RAP1GAP2: variants seen among roughly 807,000 people sequenced by gnomAD.
The protein encoded by RAP1GAP2 is RAP1 GTPase activating protein 2.
A neutral mutation model predicts 95.0 loss-of-function variants in RAP1GAP2; 27 were observed. The observed-to-expected ratio is 0.28, with a 90% CI of 0.21 to 0.39. RAP1GAP2 has a LOEUF of 0.39. RAP1GAP2 is among the 10% of genes least tolerant of loss of function. RAP1GAP2 has a pLI of 1.00. For missense variants in RAP1GAP2, 771 were observed against 970.0 expected (o/e 0.79, Z 2.72); for synonymous variants, 373 against 380.9 (o/e 0.98, Z 0.24).
At chr17:2,848,716 G>A (rs913706865) in intron 2 of RAP1GAP2, among the ~76,000 whole-genome samples, 6 of 152,122 alleles carry the variant, frequency 3.9e-5, no homozygotes, top group African/African-American at 1.4e-4. Context: ...GTTTCACCAT[G>A]TTGGCCAGGC....
chr17:2,961,789 C>G (rs2044340104), intron 4 of RAP1GAP2, among the ~76,000 whole-genome samples: 1 of 152,190 alleles, frequency 6.6e-6, no homozygotes, highest in Admixed American at 6.5e-5. Context: ...CCTGCCTGTC[C>G]CTTGAAGGCC....
intron 4 of RAP1GAP2, among the ~76,000 whole-genome samples, chr17:2,960,792 T>G (rs547717284): frequency 6.6e-6 from 1 of 152,352 alleles, no homozygotes; most frequent in African/African-American, 2.4e-5. Flanking sequence ...CTCCTTCTGC[T>G]TCAGAGGGGA....
chr17:2,844,028 A>T (rs1161607165), intron 2 of RAP1GAP2, among the ~76,000 whole-genome samples: 1 of 151,296 alleles, frequency 6.6e-6, no homozygotes, highest in Non-Finnish European at 1.5e-5. Context: ...ATTTTTATTT[A>T]TTTATTTTTT....
chr17:2,999,120 T>G (rs1463779848), intron 14 of RAP1GAP2, among the ~76,000 whole-genome samples: 1 of 152,076 alleles, frequency 6.6e-6, no homozygotes, highest in Non-Finnish European at 1.5e-5. Flanking sequence ...GTCAGATGGC[T>G]CGAAATCCTC....
At chr17:2,772,901 C>T (rs2068426488), upstream of RAP1GAP2, among the ~76,000 whole-genome samples, 1 of 136,616 alleles carries the variant, frequency 7.3e-6, no homozygotes, top group Admixed American at 7.9e-5. Context: ...TCTTGTTGCC[C>T]AGGCTGGAGT....
At chr17:2,940,737 GC>G (rs2151430548) in intron 3 of RAP1GAP2, among the ~76,000 whole-genome samples, 1 of 152,330 alleles carries the variant, frequency 6.6e-6, no homozygotes, top group South Asian at 2.1e-4. Context: ...AACATGGGGG[GC>G]CCACGCGGAC....
chr17:2,938,843 C>T (rs2043384852), intron 3 of RAP1GAP2, among the ~76,000 whole-genome samples: 1 of 151,798 alleles, frequency 6.6e-6, no homozygotes, highest in African/African-American at 2.4e-5. Context: ...GAAAATTAGC[C>T]GGGTATGGTG....
Position 3,008,246 on chromosome 17 carries a change from C to A in RAP1GAP2, c.1494+101C>A. ...GGATACTGATCCCAGAGCCCAAGGG[C>A]CAGCTGGAGGGGTGACAGGAAACGT... On this transcript the variant is annotated intron_variant, in intron 17 of 24. Transcript: ENST00000254695. The surrounding 1 kb of genome is among the most constrained non-coding windows in gnomAD (Gnocchi z 4.2). The A allele has an allele frequency of 6.6e-7, 1 of 1,521,250 alleles. No individual in the cohort carries two copies. Among genetic ancestry groups the A allele is most frequent in the South Asian group, 1.2e-5 (1 of 80,842 alleles). 94.2% of individuals were successfully genotyped at this position (1,521,250 alleles called of 1,614,324 possible).
At chr17:2,821,229 T>C (rs2070291801) in intron 2 of RAP1GAP2, among the ~76,000 whole-genome samples, 1 of 152,014 alleles carries the variant, frequency 6.6e-6, no homozygotes, top group Non-Finnish European at 1.5e-5. Context: ...TTTTTTCCCC[T>C]CTTTAAAAAT....
At chr17:2,951,430 TC>T (rs1294154171) in intron 3 of RAP1GAP2, among the ~76,000 whole-genome samples, 1 of 152,204 alleles carries the variant, frequency 6.6e-6, no homozygotes, top group Non-Finnish European at 1.5e-5. Flanking sequence ...CTTCAAGAGG[TC>T]GAACTTGTTG....
rs1368285473 is a variant in RAP1GAP2, at chr17:2,949,139, G to A, written c.166-8620G>A. ...GGCCCAGACGGAGTTCCTCAGCTGA[G>A]TGCTGGCTCTGCGTGGTTATCTATT... On this transcript the variant is annotated intron_variant, in intron 3 of 24. Transcript: ENST00000254695. Among the ~76,000 whole-genome samples the A allele has an allele frequency of 2.0e-5, 3 of 152,196 alleles. No homozygotes were observed. In the East Asian group the frequency reaches 5.8e-4, roughly 29 times the overall value.
rs1432530023 is a variant in RAP1GAP2, at chr17:3,008,665, AAACT to A, written c.1494+526_1494+529del. ...CCCTTTGGACTTTGCCAAGGGAAAA[AAACT>A]AACTAGAAGGAGCTGCTAAAGGAAG... On this transcript the variant is annotated intron_variant, in intron 17 of 24. Transcript: ENST00000254695. The surrounding 1 kb of genome is among the most constrained non-coding windows in gnomAD (Gnocchi z 4.2). Among the ~76,000 whole-genome samples, 3 of 152,176 alleles carry A rather than the reference AAACT, an allele frequency of 2.0e-5. No individual in the cohort carries two copies. The highest frequency in any genetic ancestry group is 7.2e-5 in the African/African-American group (3 of 41,438).
Position 3,027,104 on chromosome 17 carries a change from C to T in RAP1GAP2, c.2107+34C>T. The T allele has an allele frequency of 6.5e-7, 1 of 1,545,548 alleles. No individual in the cohort carries two copies. The highest frequency in any genetic ancestry group is 8.7e-7 in the Non-Finnish European group (1 of 1,142,954). On this transcript the variant is annotated intron_variant, in intron 22 of 24. Transcript: ENST00000254695. This position sits in a 1 kb window ranked among gnomAD's most constrained non-coding sequence, Gnocchi z 5.2. The stretch of plus-strand genomic sequence containing the variant: ...CATCTGGTGGTGTGTGTGACGTCAC[C>T]AGGAGGGCAGGCTGTGCCCTGTCCA...
At chr17:2,780,972 G>T (rs564080341) in intron 1 of RAP1GAP2, among the ~76,000 whole-genome samples, 167 of 152,222 alleles carry the variant, frequency 1.1e-3, no homozygotes, top group African/African-American at 3.7e-3. Context: ...TTTTCTATTT[G>T]TTGCAACCCT....
At chr17:2,962,753 G>T (rs764046110) in intron 5 of RAP1GAP2, 39 bp downstream of exon 5, 1 of 1,556,580 alleles carries the variant, frequency 6.4e-7, no homozygotes, top group East Asian at 2.3e-5. Flanking sequence ...GACGGCCCTG[G>T]TGAGGGGCTA....
intron 2 of RAP1GAP2, among the ~76,000 whole-genome samples, chr17:2,863,784 C>T (rs1244087685): frequency 1.3e-5 from 2 of 152,080 alleles, no homozygotes; most frequent in Non-Finnish European, 2.9e-5. Context: ...GGGCCGGGCA[C>T]GGTGGCTCAC....
chr17:2,760,554 T>C (rs1464420626), intron 1 of RAP1GAP2, among the ~76,000 whole-genome samples: 1 of 147,054 alleles, frequency 6.8e-6, no homozygotes, highest in Non-Finnish European at 1.5e-5. Flanking sequence ...TTGGCCAGGC[T>C]GGTCTTGAAC....
intron 17 of RAP1GAP2, among the ~76,000 whole-genome samples, chr17:3,013,195 T>C (rs2046622552): frequency 6.6e-6 from 1 of 152,218 alleles, no homozygotes; most frequent in African/African-American, 2.4e-5. Flanking sequence ...TGGCAGTCTT[T>C]GTGGCCCCGC....
intron 2 of RAP1GAP2, among the ~76,000 whole-genome samples, chr17:2,810,775 C>T (rs191937223): frequency 1.1e-3 from 171 of 152,130 alleles, no homozygotes; most frequent in African/African-American, 3.9e-3. Flanking sequence ...GTGATCCGCC[C>T]GCCTCAGCCT....
Sources: allele counts gnomAD v4.1 joint callset (sites outside exome capture counted in the v4.1 genomes callset), GRCh38; gene constraint gnomAD v4.1.1; non-coding constraint Gnocchi (gnomAD v3.1); transcripts MANE v1.5; gene names NCBI Gene and HGNC (gene_info 2026-07-23, HGNC 2026-07-21).